Variants in KCNIP4 observed in about 807,000 individuals in gnomAD.
KCNIP4 encodes Kv channel-interacting protein 4.
In KCNIP4, 12 loss-of-function variants were observed where a neutral mutation model predicts 34.0. That is an observed-to-expected ratio of 0.35 (90% CI 0.23 to 0.57). The LOEUF (loss-of-function observed/expected upper bound fraction) is 0.57. Ranked by LOEUF, KCNIP4 falls within the 20% of genes least tolerant of loss-of-function variation. The probability of loss-of-function intolerance (pLI) is 0.83; values close to 1 mark genes in which losing one functional copy is unlikely to be tolerated. For synonymous variants in KCNIP4, 124 were observed against 102.2 expected (o/e 1.21, Z -1.29); for missense variants, 238 against 311.7 (o/e 0.76, Z 1.78).
chr4:21,733,733 G>A (rs1022206145), intron 1 of KCNIP4, among the ~76,000 whole-genome samples: 1 of 152,130 alleles, frequency 6.6e-6, no homozygotes, highest in African/African-American at 2.4e-5. Flanking sequence ...TTCTTGTGGG[G>A]AGTGGGGAGG....
intron 1 of KCNIP4, among the ~76,000 whole-genome samples, chr4:21,831,566 T>C (rs566339990): frequency 2.8e-4 from 41 of 146,038 alleles, no homozygotes; most frequent in Admixed American, 1.7e-3. Flanking sequence ...AACAAATTCC[T>C]AGCAGCATAC....
At chr4:21,728,163 T>C (rs1018496823) in intron 1 of KCNIP4, among the ~76,000 whole-genome samples, 4 of 152,166 alleles carry the variant, frequency 2.6e-5, no homozygotes, top group Non-Finnish European at 5.9e-5. Context: ...GTCTCTTCCC[T>C]GAACTCTAGA....
chr4:21,915,108 AG>A (rs1728554755), intron 1 of KCNIP4, among the ~76,000 whole-genome samples: 1 of 152,218 alleles, frequency 6.6e-6, no homozygotes, highest in East Asian at 1.9e-4. Flanking sequence ...TCAGTATTTT[AG>A]GCTTTGCAAG....
intron 1 of KCNIP4, among the ~76,000 whole-genome samples, chr4:21,602,012 C>T (rs138444202): frequency 6.6e-6 from 1 of 152,254 alleles, no homozygotes; most frequent in African/African-American, 2.4e-5. Context: ...CTAATATAGT[C>T]ATGCCCCTCC....
intron 1 of KCNIP4, among the ~76,000 whole-genome samples, chr4:21,266,343 G>A (rs975153769): frequency 6.6e-6 from 1 of 152,078 alleles, no homozygotes; most frequent in African/African-American, 2.4e-5. Context: ...TGTTTTCACT[G>A]AGGCTGAGCA....
At chr4:21,875,130 C>A (rs1247110168) in intron 1 of KCNIP4, among the ~76,000 whole-genome samples, 2 of 152,162 alleles carry the variant, frequency 1.3e-5, no homozygotes, top group Non-Finnish European at 2.9e-5. Flanking sequence ...GATAAGGAAT[C>A]TGAGGCACAA....
chr4:21,155,676 G>A (rs929574121), intron 1 of KCNIP4, among the ~76,000 whole-genome samples: 4 of 152,078 alleles, frequency 2.6e-5, no homozygotes, highest in African/African-American at 9.7e-5. Context: ...GCTCTATGCT[G>A]GTGATCCTGG....
At chr4:20,822,762 G>T (rs577119947) in intron 3 of KCNIP4, among the ~76,000 whole-genome samples, 1 of 152,088 alleles carries the variant, frequency 6.6e-6, no homozygotes, top group Non-Finnish European at 1.5e-5. Context: ...GAATATATAT[G>T]TTCCTCCAAA....
At chr4:21,081,224 T>A (rs567338077) in intron 1 of KCNIP4, among the ~76,000 whole-genome samples, 42 of 151,956 alleles carry the variant, frequency 2.8e-4, no homozygotes, top group African/African-American at 1.0e-3. Context: ...GCTGTGAAAT[T>A]GACTTTAAAA....
intron 1 of KCNIP4, among the ~76,000 whole-genome samples, chr4:21,830,774 C>T (rs1403996370): frequency 6.6e-6 from 1 of 152,046 alleles, no homozygotes; most frequent in Non-Finnish European, 1.5e-5. Context: ...AATAATGAAA[C>T]ATCCAAATTA....
intron 1 of KCNIP4, among the ~76,000 whole-genome samples, chr4:21,863,914 A>G (rs1177125684): frequency 1.3e-5 from 2 of 152,056 alleles, no homozygotes; most frequent in African/African-American, 4.8e-5. Context: ...TCCTTGGCAA[A>G]TGCAAATATT....
At chr4:20,753,325 G>A (rs1753967092) in intron 4 of KCNIP4, among the ~76,000 whole-genome samples, 1 of 152,008 alleles carries the variant, frequency 6.6e-6, no homozygotes, top group African/African-American at 2.4e-5. Flanking sequence ...GATTCCTTTG[G>A]TGTGACTCCT....
chr4:21,411,789 G>A (rs1371037267), intron 1 of KCNIP4, among the ~76,000 whole-genome samples: 3 of 152,124 alleles, frequency 2.0e-5, no homozygotes, highest in Non-Finnish European at 4.4e-5. Context: ...AGTGAGCCGT[G>A]ACCATGCCAC....
At chr4:21,501,986 TGCA>T in intron 1 of KCNIP4, among the ~76,000 whole-genome samples, 1 of 102,398 alleles carries the variant, frequency 9.8e-6, no homozygotes, top group South Asian at 3.3e-4. Flanking sequence ...CTCTCTCTCA[TGCA>T]CACGCACACA....
chr4:21,381,380 A>G (rs1026168602), intron 1 of KCNIP4, among the ~76,000 whole-genome samples: 15 of 152,186 alleles, frequency 9.9e-5, no homozygotes, highest in Admixed American at 9.8e-4. Flanking sequence ...GACACATTCT[A>G]TTTTGGGACT....
chr4:21,390,015 C>G (rs957187366), intron 1 of KCNIP4, among the ~76,000 whole-genome samples: 10 of 142,238 alleles, frequency 7.0e-5, no homozygotes, highest in Non-Finnish European at 1.6e-4. Flanking sequence ...GAGATGGTAT[C>G]TCATTGTGGT....
At chr4:21,344,532 A>G (rs980458566) in intron 1 of KCNIP4, among the ~76,000 whole-genome samples, 4 of 152,166 alleles carry the variant, frequency 2.6e-5, no homozygotes, top group African/African-American at 9.7e-5. Context: ...AGGAGCAGCC[A>G]CCAATCCAAA....
chr4:21,270,986 CAAA>C (rs370059673), intron 1 of KCNIP4, among the ~76,000 whole-genome samples: 7 of 111,328 alleles, frequency 6.3e-5, no homozygotes, highest in Admixed American at 9.7e-5. Context: ...TCCCTGTCCC[CAAA>C]AAAAAAAAAA....
At chr4:20,903,946 T>C (rs1284564138) in intron 1 of KCNIP4, among the ~76,000 whole-genome samples, 1 of 152,188 alleles carries the variant, frequency 6.6e-6, no homozygotes, top group African/African-American at 2.4e-5. Flanking sequence ...TTATCAATTT[T>C]AGATCAACTG....
Sources: allele counts gnomAD v4.1 joint callset (sites outside exome capture counted in the v4.1 genomes callset), GRCh38; gene constraint gnomAD v4.1.1; transcripts MANE v1.5; gene names NCBI Gene and HGNC (gene_info 2026-07-23, HGNC 2026-07-21).